Variants in REDIC1 observed in about 807,000 individuals in gnomAD.
REDIC1 encodes HEI10 Interacting Protein 1.
chr12:39,766,319 A>G, the REDIC1 span, among the ~76,000 whole-genome samples: 783 of 152,240 alleles, frequency 5.1e-3, 5 homozygotes, highest in African/African-American at 0.017. Context: ...CCCACTACAT[A>G]TAAAAGTTAT....
At chr12:39,817,933 T>C in the REDIC1 span, among the ~76,000 whole-genome samples, 3 of 152,196 alleles carry the variant, frequency 2.0e-5, no homozygotes, top group African/African-American at 7.2e-5. Flanking sequence ...ACACATTCCT[T>C]GAACTTGTCT....
At chr12:39,681,490 C>A in the REDIC1 span, among the ~76,000 whole-genome samples, 119 of 152,282 alleles carry the variant, frequency 7.8e-4, no homozygotes, top group African/African-American at 2.8e-3. Context: ...AAAAGATTTA[C>A]ATTTATAGTG....
the REDIC1 span, among the ~76,000 whole-genome samples, chr12:39,792,582 AC>A: frequency 6.6e-6 from 1 of 152,162 alleles, no homozygotes; most frequent in African/African-American, 2.4e-5. Flanking sequence ...AGGTGTGTAT[AC>A]AGTCACCTTC....
At chr12:39,787,870 G>T in the REDIC1 span, among the ~76,000 whole-genome samples, 1 of 152,106 alleles carries the variant, frequency 6.6e-6, no homozygotes, top group Non-Finnish European at 1.5e-5. Context: ...CTGTTTGCTA[G>T]CCATGAATCC....
chr12:39,896,610 G>C, the REDIC1 span, among the ~76,000 whole-genome samples: 1 of 151,156 alleles, frequency 6.6e-6, no homozygotes, highest in African/African-American at 2.4e-5. Context: ...GTATGTATAT[G>C]TGTTTATATG....
At chr12:39,809,922 G>A in the REDIC1 span, among the ~76,000 whole-genome samples, 1 of 152,134 alleles carries the variant, frequency 6.6e-6, no homozygotes, top group African/African-American at 2.4e-5. Context: ...GGACATTTGG[G>A]TTGGTTTCAA....
At chr12:39,752,486 T>C in the REDIC1 span, among the ~76,000 whole-genome samples, 1 of 152,048 alleles carries the variant, frequency 6.6e-6, no homozygotes. Flanking sequence ...GCCAAAAAGT[T>C]TGAGGACCGC....
chr12:39,638,112 AC>A, the REDIC1 span, among the ~76,000 whole-genome samples: 1 of 152,154 alleles, frequency 6.6e-6, no homozygotes, highest in Middle Eastern at 3.4e-3. Flanking sequence ...AACAACAACA[AC>A]AAAAAACAAA....
At chr12:39,721,959 T>G in the REDIC1 span, 1 of 152,130 alleles carries the variant, frequency 6.6e-6, no homozygotes, top group Non-Finnish European at 1.5e-5. Flanking sequence ...ATAACAAGAT[T>G]TCCTATTCTA....
the REDIC1 span, among the ~76,000 whole-genome samples, chr12:39,824,888 A>T: frequency 2.0e-5 from 3 of 152,190 alleles, no homozygotes; most frequent in African/African-American, 4.8e-5. Flanking sequence ...AGGAGGGTAA[A>T]TTCTAGACAG....
the REDIC1 span, among the ~76,000 whole-genome samples, chr12:39,824,453 C>T: frequency 1.3e-5 from 2 of 152,224 alleles, no homozygotes; most frequent in Admixed American, 6.5e-5. Flanking sequence ...AGACTATTCT[C>T]AGAGCTTGGG....
At chr12:39,682,835 T>A in the REDIC1 span, 39 of 1,612,018 alleles carry the variant, frequency 2.4e-5, no homozygotes, top group Non-Finnish European at 3.1e-5. Context: ...AGTCAAAATA[T>A]GATCAATGTA....
chr12:39,825,226 G>T, the REDIC1 span, among the ~76,000 whole-genome samples: 2 of 152,138 alleles, frequency 1.3e-5, no homozygotes, highest in Admixed American at 6.5e-5. Flanking sequence ...TAGTCAGGAG[G>T]TTTGAAGTTT....
the REDIC1 span, among the ~76,000 whole-genome samples, chr12:39,848,368 T>C: frequency 6.6e-6 from 1 of 152,120 alleles, no homozygotes; most frequent in African/African-American, 2.4e-5. Context: ...ACAAAGGACA[T>C]GAACAGACAC....
the REDIC1 span, among the ~76,000 whole-genome samples, chr12:39,714,083 A>ATG: frequency 8.5e-5 from 1 of 11,816 alleles, no homozygotes; most frequent in Non-Finnish European, 3.3e-4. Flanking sequence ...GTGTATATAC[A>ATG]CATATATGTA....
At chr12:39,738,799 T>C in the REDIC1 span, among the ~76,000 whole-genome samples, 1 of 151,988 alleles carries the variant, frequency 6.6e-6, no homozygotes, top group Non-Finnish European at 1.5e-5. Context: ...TCTGACTTTA[T>C]AGAAAGTGAC....
the REDIC1 span, among the ~76,000 whole-genome samples, chr12:39,787,921 C>T: frequency 6.6e-6 from 1 of 152,140 alleles, no homozygotes; most frequent in Non-Finnish European, 1.5e-5. Flanking sequence ...GCAGTATTGT[C>T]ACCTACAAAA....
chr12:39,670,002 G>A, the REDIC1 span, among the ~76,000 whole-genome samples: 1,470 of 152,246 alleles, frequency 9.7e-3, 14 homozygotes, highest in Non-Finnish European at 0.018. Context: ...CGCTTCCCAA[G>A]TGAGGCGATG....
At chr12:39,721,879 A>G in the REDIC1 span, 1 of 152,094 alleles carries the variant, frequency 6.6e-6, no homozygotes, top group Non-Finnish European at 1.5e-5. Context: ...TTTATAAAAT[A>G]ATTGTTTGAA....
Sources: gnomAD v4.1 joint callset for allele counts (sites outside exome capture counted in the v4.1 genomes callset) on GRCh38, gnomAD v4.1.1 for gene constraint, MANE v1.5 for transcripts, NCBI Gene and HGNC (gene_info 2026-07-23, HGNC 2026-07-21) for gene names.